The following SGF29 variants were observed in gnomAD, a reference collection of about 807,000 sequenced individuals.
SGF29 encodes SAGA complex associated factor 29.
In SGF29, 15 loss-of-function variants were observed where a neutral mutation model predicts 38.1. The ratio of observed to expected loss-of-function variants is 0.39; its 90% CI spans 0.26 to 0.61. The LOEUF is 0.61. Ranked by LOEUF, SGF29 falls within the 20% of genes least tolerant of loss-of-function variation. SGF29 has a pLI of 0.49. For missense variants in SGF29, 184 were observed against 394.6 expected, an observed-to-expected ratio of 0.47 and a Z score of 4.52; for synonymous variants, 151 against 160.8, an observed-to-expected ratio of 0.94 and a Z score of 0.46.
At chr16:28,555,296 T>A (rs1398582981) in intron 1 of SGF29, among the ~76,000 whole-genome samples, 4 of 150,288 alleles carry the variant, frequency 2.7e-5, no homozygotes, top group Non-Finnish European at 5.9e-5. Context: ...AAATCCAGTC[T>A]CTTCTAAAAA....
intron 4 of SGF29, chr16:28,588,628 G>C: frequency 2.3e-6 from 1 of 430,782 alleles, no homozygotes; most frequent in Non-Finnish European, 4.6e-6. Context: ...GCAATGACGC[G>C]ATCTCGGTTC....
intron 1 of SGF29, among the ~76,000 whole-genome samples, chr16:28,570,042 C>T (rs1007631457): frequency 6.6e-6 from 1 of 152,196 alleles, no homozygotes; most frequent in Non-Finnish European, 1.5e-5. Context: ...AGGGTAAGGC[C>T]CCTGCAGAAA....
chr16:28,566,655 C>T (rs1402039407), intron 1 of SGF29, among the ~76,000 whole-genome samples: 2 of 150,176 alleles, frequency 1.3e-5, no homozygotes, highest in Admixed American at 1.3e-4. Context: ...GTGGTACACA[C>T]CTGTAGTCCC....
intron 1 of SGF29, among the ~76,000 whole-genome samples, chr16:28,563,682 TTGTG>T (rs529724081): frequency 2.0e-5 from 3 of 151,532 alleles, no homozygotes; most frequent in East Asian, 3.9e-4. Context: ...TTACTCAGTT[TTGTG>T]TGTGTGTGTG....
At chr16:28,579,038 T>C (rs1219799153) in intron 1 of SGF29, among the ~76,000 whole-genome samples, 3 of 152,050 alleles carry the variant, frequency 2.0e-5, no homozygotes, top group African/African-American at 4.8e-5. Flanking sequence ...CCTCCTACCT[T>C]CGCCTCCCAA....
intron 1 of SGF29, among the ~76,000 whole-genome samples, chr16:28,578,712 G>A (rs989807778): frequency 1.3e-5 from 2 of 150,436 alleles, no homozygotes; most frequent in Non-Finnish European, 3.0e-5. Context: ...AGAGGGCGAG[G>A]TGGGTGGATC....
At chr16:28,583,398 A>G (rs886105541) in intron 2 of SGF29, among the ~76,000 whole-genome samples, 1 of 152,064 alleles carries the variant, frequency 6.6e-6, no homozygotes, top group Non-Finnish European at 1.5e-5. Flanking sequence ...CCCCAACCCC[A>G]ATCCATTCCC....
chr16:28,566,855 A>G (rs970437848), intron 1 of SGF29, among the ~76,000 whole-genome samples: 2 of 152,090 alleles, frequency 1.3e-5, no homozygotes, highest in Non-Finnish European at 2.9e-5. Context: ...TTTTTAGTAG[A>G]GACCAGGTTT....
intron 4 of SGF29, among the ~76,000 whole-genome samples, chr16:28,588,287 C>G (rs1301281449): frequency 6.6e-6 from 1 of 152,150 alleles, no homozygotes; most frequent in East Asian, 1.9e-4. Context: ...TTGGGTTCAG[C>G]CTTTCAGAAA....
At chr16:28,574,315 C>T (rs56209193) in intron 1 of SGF29, among the ~76,000 whole-genome samples, 47,601 of 152,066 alleles carry the variant, frequency 0.31, 8,401 homozygotes, top group Non-Finnish European at 0.38. Flanking sequence ...GCGAGCTGCC[C>T]GCATGCACAG....
At chr16:28,589,231 G>T in intron 5 of SGF29, 67 bp downstream of exon 5, 1 of 1,566,238 alleles carries the variant, frequency 6.4e-7, no homozygotes, top group South Asian at 1.1e-5. Flanking sequence ...GCGGGCAGCA[G>T]TCACCCTCCT....
intron 3 of SGF29, 44 bp downstream of exon 3, chr16:28,585,032 A>C: frequency 6.7e-7 from 1 of 1,497,218 alleles, no homozygotes; most frequent in Non-Finnish European, 9.3e-7. Flanking sequence ...AGATGGGGCT[A>C]GGGTGAGTAT....
chr16:28,561,311 TCAC>T (rs2046788330), intron 1 of SGF29, among the ~76,000 whole-genome samples: 7 of 152,188 alleles, frequency 4.6e-5, no homozygotes, highest in African/African-American at 1.4e-4. Context: ...GGCAGGCAGA[TCAC>T]CTGAGGTCAA....
At position 28,590,923 on chromosome 16, in the gene SGF29, G is replaced by T. The variant is rs750628692; in HGVS notation, c.753G>T (p.Ala251=). 6.2e-7 allele frequency: 1 copy of T among 1,609,760 alleles called. No homozygotes were observed. Among genetic ancestry groups the T allele is most frequent in the South Asian group, 1.1e-5 (1 of 90,528 alleles). ...TTCFYRALIH[A]PPQRPQDDYS... is the part of the protein sequence containing the mutation. ...GCTTCTACCGCGCCCTGATCCATGC[G>T]CCCCCACAGCGGGTAAAGCAGCCTC... is the stretch of plus-strand genomic sequence containing the variant. Residue 251 remains alanine, a synonymous_variant, in exon 9 of 10, where the codon GCG becomes GCT. Transcript: ENST00000317058. The surrounding 1 kb of genome is among the most constrained non-coding windows in gnomAD (Gnocchi z 8.2).
In SGF29 at chr16:28,581,115, G is replaced by C. The variant is rs752580059; in HGVS notation, c.46G>C (p.Glu16Gln). The part of the protein sequence containing the change: ...ADSRIAELLT[E>Q]LHQLIKQTQE... Reference sequence around the variant, plus strand: ...TTCCCGCATTGCAGAACTTCTCACAGAGCTCCATCAGCTGATCAAACAAAC... The same window carrying C: ...TTCCCGCATTGCAGAACTTCTCACACAGCTCCATCAGCTGATCAAACAAAC... The change falls in exon 2 of 10, where the codon GAG becomes CAG. Residue 16 changes from glutamate to glutamine, a missense_variant. Physicochemically the swap from Glu to Gln is conservative, Grantham distance 29. Transcript: ENST00000317058. The C allele has an allele frequency of 4.4e-5, 71 of 1,614,084 alleles. No individual in the cohort carries two copies. Among genetic ancestry groups the C allele is most frequent in the Middle Eastern group, 3.3e-4 (2 of 6,060 alleles).
intron 1 of SGF29, among the ~76,000 whole-genome samples, chr16:28,567,239 G>A (rs944662488): frequency 2.4e-4 from 37 of 152,130 alleles, no homozygotes; most frequent in African/African-American, 8.7e-4. Context: ...ACCAGTGAGT[G>A]AGTATCTTAG....
intron 1 of SGF29, among the ~76,000 whole-genome samples, chr16:28,564,685 GTGTA>G (rs1567285879): frequency 0.01 from 727 of 71,132 alleles, 29 homozygotes; most frequent in Non-Finnish European, 0.015. Context: ...GTATATATAT[GTGTA>G]TATATATGTA....
intron 1 of SGF29, among the ~76,000 whole-genome samples, chr16:28,562,624 G>A (rs1567285046): frequency 1.3e-5 from 2 of 152,060 alleles, no homozygotes; most frequent in Non-Finnish European, 2.9e-5. Flanking sequence ...GTTCTTGGCC[G>A]CTCATGGTGA....
intron 4 of SGF29, chr16:28,588,570 CT>C (rs752752864): frequency 0.031 from 9,987 of 319,890 alleles, no homozygotes; most frequent in Middle Eastern, 0.05. Context: ...TTCCAGTTTT[CT>C]TTTTTTTTTT....
Sources: allele counts gnomAD v4.1 joint callset (sites outside exome capture counted in the v4.1 genomes callset), GRCh38; gene constraint gnomAD v4.1.1; non-coding constraint Gnocchi (gnomAD v3.1); transcripts MANE v1.5; gene names NCBI Gene and HGNC (gene_info 2026-07-23, HGNC 2026-07-21).